Variants in AP3B1 observed in about 807,000 individuals in gnomAD.
AP3B1 encodes the protein AP-3 complex subunit beta-1.
AP3B1 carries 61 observed loss-of-function variants against 132.5 expected under a neutral mutation model. The observed-to-expected ratio is 0.46, with a 90% CI of 0.37 to 0.57. AP3B1 has a LOEUF of 0.57. AP3B1 is among the 20% of genes least tolerant of loss of function. AP3B1 has a pLI of 0.00. For missense variants in AP3B1, 1,120 were observed against 1,289.4 expected (o/e 0.87, Z 2.01); for synonymous variants, 388 against 438.3 (o/e 0.89, Z 1.43).
chr5:78,165,748 A>G (rs1743590205), intron 11 of AP3B1, 76 bp from the exon 12 acceptor site: 1 of 1,008,708 alleles, frequency 9.9e-7, no homozygotes, highest in Non-Finnish European at 1.5e-6. Context: ...ACAGACATTT[A>G]ATTGAAAGTT....
At chr5:78,179,381 T>C (rs912052659) in intron 8 of AP3B1, among the ~76,000 whole-genome samples, 5 of 152,202 alleles carry the variant, frequency 3.3e-5, no homozygotes, top group African/African-American at 9.6e-5. Context: ...TCTAATATAT[T>C]AGGGTACTCC....
intron 21 of AP3B1, among the ~76,000 whole-genome samples, chr5:78,096,483 T>C (rs900850788): frequency 6.9e-6 from 1 of 145,420 alleles, no homozygotes; most frequent in Non-Finnish European, 1.5e-5. Flanking sequence ...TCGTCTGGGA[T>C]GTGAGGAGCC....
chr5:78,162,328 T>C (rs541401227), intron 13 of AP3B1, among the ~76,000 whole-genome samples: 26 of 152,310 alleles, frequency 1.7e-4, no homozygotes, highest in African/African-American at 6.0e-4. Context: ...TCCAAGTTTA[T>C]GGCTTTTAAA....
chr5:78,181,775 T>C, intron 7 of AP3B1, 113 bp from the exon 8 acceptor site: 2 of 875,626 alleles, frequency 2.3e-6, no homozygotes, highest in Non-Finnish European at 1.8e-6. Context: ...TACCGTAGAA[T>C]ACTTCTGTTT....
In AP3B1 at chr5:78,161,861, T is replaced by G. The variant is rs146637582; in HGVS notation, c.1363+958A>C. Among the ~76,000 whole-genome samples, 618 of 152,098 alleles carry G rather than the reference T, an allele frequency of 4.1e-3. 2 individuals are homozygous for G. Among genetic ancestry groups the G allele is most frequent in the Non-Finnish European group, 7.2e-3 (490 of 67,890 alleles). On this transcript the variant is annotated intron_variant, in intron 13 of 26. Coordinates refer to ENST00000255194, the MANE Select transcript of AP3B1 (RefSeq NM_003664.5). ...TACTCTCAACAATGTTACAGTTTTC[T>G]AAAGATATCTACATGTGGGAAAAAA...
intron 14 of AP3B1, among the ~76,000 whole-genome samples, chr5:78,155,853 T>C (rs1348966416): frequency 6.6e-6 from 1 of 151,990 alleles, no homozygotes; most frequent in African/African-American, 2.4e-5. Context: ...TTTTATAGTA[T>C]AAAATAATAT....
chr5:78,286,337 G>A (rs1749279656), intron 1 of AP3B1, among the ~76,000 whole-genome samples: 2 of 152,134 alleles, frequency 1.3e-5, no homozygotes, highest in African/African-American at 2.4e-5. Context: ...AGCATTAAGA[G>A]GTGGGGCCTT....
intron 20 of AP3B1, among the ~76,000 whole-genome samples, chr5:78,105,633 G>GA (rs1186453932): frequency 6.6e-6 from 1 of 152,012 alleles, no homozygotes; most frequent in Admixed American, 6.6e-5. Context: ...TTTGTTATAG[G>GA]TGTTATTTGG....
chr5:78,097,045 C>T (rs532968317), intron 21 of AP3B1, among the ~76,000 whole-genome samples: 47 of 122,314 alleles, frequency 3.8e-4, no homozygotes, highest in African/African-American at 9.3e-4. Context: ...CCAGCCGCCC[C>T]GTCCGGGAGG....
intron 26 of AP3B1, among the ~76,000 whole-genome samples, chr5:78,010,685 C>T (rs1746583832): frequency 6.6e-6 from 1 of 152,100 alleles, no homozygotes; most frequent in African/African-American, 2.4e-5. Context: ...AACTGGGATC[C>T]CCACAGCTAA....
chr5:78,250,229 A>G (rs1213740338), intron 2 of AP3B1, among the ~76,000 whole-genome samples: 1 of 152,156 alleles, frequency 6.6e-6, no homozygotes, highest in African/African-American at 2.4e-5. Context: ...AACATACCAA[A>G]CAGCAGAATA....
chr5:78,104,315 A>G (rs370866503), intron 20 of AP3B1, among the ~76,000 whole-genome samples: 1 of 152,206 alleles, frequency 6.6e-6, no homozygotes, highest in Non-Finnish European at 1.5e-5. Context: ...AGACTTCTTT[A>G]TAAGTTAAAA....
At chr5:78,171,092 T>C (rs1461420331) in intron 11 of AP3B1, among the ~76,000 whole-genome samples, 1 of 152,206 alleles carries the variant, frequency 6.6e-6, no homozygotes, top group Non-Finnish European at 1.5e-5. Context: ...CATTGGTCTA[T>C]ATATCTGTTT....
chr5:78,276,032 AAAAAT>A (rs1189630698), intron 1 of AP3B1, among the ~76,000 whole-genome samples: 2 of 152,134 alleles, frequency 1.3e-5, no homozygotes, highest in African/African-American at 4.8e-5. Context: ...CCAATACTTA[AAAAAT>A]AAAATAAAAA....
intron 7 of AP3B1, among the ~76,000 whole-genome samples, chr5:78,187,944 C>T: frequency 6.6e-6 from 1 of 152,156 alleles, no homozygotes; most frequent in Non-Finnish European, 1.5e-5. Context: ...CTACAACCAT[C>T]TGATCTTCAA....
chr5:78,169,255 G>A (rs201071795), intron 11 of AP3B1, among the ~76,000 whole-genome samples: 4 of 107,046 alleles, frequency 3.7e-5, no homozygotes, highest in South Asian at 5.3e-4. Flanking sequence ...CATGAATTAT[G>A]TTTTTCACCT....
Position 78,089,347 on chromosome 5 carries a change from T to C in AP3B1, c.2577+46A>G, listed in dbSNP as rs775563918. Reference sequence around the variant, plus strand: ...TTACATTTTAATAAAAAAGATACAATGGCAACATAAGAAAACCGAGCTGGT... The same window carrying C: ...TTACATTTTAATAAAAAAGATACAACGGCAACATAAGAAAACCGAGCTGGT... On this transcript the variant is annotated intron_variant, in intron 22 of 26. Transcript: ENST00000255194. 1.3e-5 allele frequency: 17 copies of C among 1,324,358 alleles called. No homozygotes were observed. The Admixed American group carries it at 2.4e-4, about 18-fold the overall frequency. The allele number at this position is 1,324,358 out of a possible 1,614,324, so 82.0% of individuals were successfully genotyped here. A position where few individuals can be genotyped will look rare whatever the true frequency, so the allele number is the denominator to read the frequency against.
At chr5:78,063,294 C>T (rs1749140121) in intron 22 of AP3B1, among the ~76,000 whole-genome samples, 1 of 152,126 alleles carries the variant, frequency 6.6e-6, no homozygotes, top group Admixed American at 6.5e-5. Flanking sequence ...CAGTTCGGTG[C>T]TTATAGTTTT....
chr5:78,058,080 G>A (rs1206746506), intron 22 of AP3B1, among the ~76,000 whole-genome samples: 2 of 152,112 alleles, frequency 1.3e-5, no homozygotes, highest in African/African-American at 4.8e-5. Context: ...GCACCGGTTA[G>A]TTATCTGTGC....
Sources: gnomAD v4.1 joint callset for allele counts (sites outside exome capture counted in the v4.1 genomes callset) on GRCh38, gnomAD v4.1.1 for gene constraint, MANE v1.5 for transcripts, NCBI Gene and HGNC (gene_info 2026-07-23, HGNC 2026-07-21) for gene names.